The following MYRIP variants were observed in gnomAD, a reference collection of about 807,000 sequenced individuals.
MYRIP encodes the protein rab effector MyRIP.
A neutral mutation model predicts 98.0 loss-of-function variants in MYRIP; 49 were observed. That is an observed-to-expected ratio of 0.50 (90% CI 0.40 to 0.63). The LOEUF is 0.63. Ranked by LOEUF, MYRIP falls within the 30% of genes least tolerant of loss-of-function variation. The pLI, the probability that MYRIP is intolerant of heterozygous loss-of-function variation, is 0.00. For synonymous variants in MYRIP, 404 were observed against 409.5 expected (o/e 0.99, Z 0.16); for missense variants, 1,004 against 1,058.2 (o/e 0.95, Z 0.71).
chr3:39,825,808 C>T (rs1044988591), intron 1 of MYRIP, among the ~76,000 whole-genome samples: 5 of 152,032 alleles, frequency 3.3e-5, no homozygotes, highest in African/African-American at 4.8e-5. Flanking sequence ...TCATCTGATC[C>T]TGAGATTTTC....
At chr3:40,095,601 G>A (rs1234041796) in intron 3 of MYRIP, among the ~76,000 whole-genome samples, 1 of 152,122 alleles carries the variant, frequency 6.6e-6, no homozygotes, top group Non-Finnish European at 1.5e-5. Flanking sequence ...AGAGGTTTCT[G>A]AGAAATGCGT....
At chr3:39,975,774 AC>A (rs1945734145) in intron 2 of MYRIP, among the ~76,000 whole-genome samples, 1 of 152,202 alleles carries the variant, frequency 6.6e-6, no homozygotes, top group African/African-American at 2.4e-5. Flanking sequence ...TCTTTGACAA[AC>A]CTGAGAAAAA....
chr3:39,992,240 A>C (rs775793521), intron 2 of MYRIP, among the ~76,000 whole-genome samples: 19 of 152,088 alleles, frequency 1.2e-4, no homozygotes, highest in Non-Finnish European at 2.1e-4. Flanking sequence ...CATAAAGCCA[A>C]GTTTCTTTCA....
chr3:40,157,193 T>G (rs1456093088), intron 4 of MYRIP, among the ~76,000 whole-genome samples: 2 of 148,952 alleles, frequency 1.3e-5, no homozygotes, highest in African/African-American at 5.0e-5. Flanking sequence ...TATTGAGAGT[T>G]TTTAGCATGA....
intron 3 of MYRIP, among the ~76,000 whole-genome samples, chr3:40,072,190 T>C (rs924659411): frequency 6.6e-6 from 1 of 152,182 alleles, no homozygotes; most frequent in Non-Finnish European, 1.5e-5. Context: ...TACTGTATTA[T>C]ATGCATTTTA....
intron 10 of MYRIP, among the ~76,000 whole-genome samples, chr3:40,198,896 G>T (rs987137845): frequency 6.6e-6 from 1 of 152,058 alleles, no homozygotes; most frequent in Non-Finnish European, 1.5e-5. Flanking sequence ...ATTTAAAGTG[G>T]CTTACATAAA....
At chr3:40,194,224 G>A (rs919830089) in intron 10 of MYRIP, among the ~76,000 whole-genome samples, 4 of 151,868 alleles carry the variant, frequency 2.6e-5, no homozygotes, top group East Asian at 1.9e-4. Context: ...CCCTTAGACC[G>A]TCTGTACTTT....
At chr3:40,038,609 A>G (rs1015270860) in intron 2 of MYRIP, among the ~76,000 whole-genome samples, 2 of 152,236 alleles carry the variant, frequency 1.3e-5, no homozygotes, top group African/African-American at 4.8e-5. Context: ...TTTGTGAACC[A>G]CTTTATATCA....
At chr3:39,912,990 A>T (rs1349743848) in intron 2 of MYRIP, among the ~76,000 whole-genome samples, 2 of 152,188 alleles carry the variant, frequency 1.3e-5, no homozygotes, top group South Asian at 4.1e-4. Flanking sequence ...CAGTAAGCTG[A>T]GATTGCACCA....
chr3:40,114,961 G>C (rs1949240963), intron 3 of MYRIP, among the ~76,000 whole-genome samples: 1 of 152,096 alleles, frequency 6.6e-6, no homozygotes, highest in Non-Finnish European at 1.5e-5. Context: ...CAAAATATTA[G>C]GAAACTCTCC....
At chr3:40,216,696 C>A (rs1372012639) in intron 11 of MYRIP, among the ~76,000 whole-genome samples, 1 of 152,116 alleles carries the variant, frequency 6.6e-6, no homozygotes, top group Non-Finnish European at 1.5e-5. Flanking sequence ...TGGAAACATT[C>A]AACACATATT....
chr3:40,080,723 CTT>C (rs1559391883), intron 3 of MYRIP, among the ~76,000 whole-genome samples: 1 of 146,902 alleles, frequency 6.8e-6, no homozygotes, highest in South Asian at 2.1e-4. Flanking sequence ...ATCTTTTTCT[CTT>C]TTCAAAAAAC....
At chr3:39,948,659 CAA>C (rs1210148276) in intron 2 of MYRIP, among the ~76,000 whole-genome samples, 1 of 150,874 alleles carries the variant, frequency 6.6e-6, no homozygotes, top group African/African-American at 2.4e-5. Context: ...GGTTAAGAGT[CAA>C]AGAGAGGATT....
intron 2 of MYRIP, among the ~76,000 whole-genome samples, chr3:40,006,354 A>T (rs1200781810): frequency 1.3e-5 from 2 of 151,834 alleles, no homozygotes; most frequent in African/African-American, 2.4e-5. Flanking sequence ...GCGCCACTGT[A>T]CTCCAGCCTG....
intron 5 of MYRIP, among the ~76,000 whole-genome samples, chr3:40,163,556 A>G (rs1205341117): frequency 6.6e-6 from 1 of 152,210 alleles, no homozygotes; most frequent in Non-Finnish European, 1.5e-5. Context: ...CAGATAGAAC[A>G]AAAAGGCAGA....
At chr3:40,183,529 A>G (rs1950946782) in intron 9 of MYRIP, among the ~76,000 whole-genome samples, 1 of 152,194 alleles carries the variant, frequency 6.6e-6, no homozygotes, top group Admixed American at 6.5e-5. Flanking sequence ...GAAGACTGTA[A>G]GTTGCTTGGA....
intron 3 of MYRIP, among the ~76,000 whole-genome samples, chr3:40,115,224 T>G (rs1442836195): frequency 6.6e-6 from 1 of 152,198 alleles, no homozygotes; most frequent in Non-Finnish European, 1.5e-5. Flanking sequence ...GTGTATATAT[T>G]ACATTATTAG....
At chr3:40,022,509 C>A (rs207463118) in intron 2 of MYRIP, among the ~76,000 whole-genome samples, 2 of 152,258 alleles carry the variant, frequency 1.3e-5, no homozygotes, top group South Asian at 4.1e-4. Context: ...GGGATCAGCA[C>A]AAAGGAGTCA....
At chr3:39,976,545 G>C (rs568100855) in intron 2 of MYRIP, among the ~76,000 whole-genome samples, 104 of 152,256 alleles carry the variant, frequency 6.8e-4, no homozygotes, top group Non-Finnish European at 8.7e-4. Flanking sequence ...CCGTTACTGG[G>C]TATATACCCA....
Sources: allele counts gnomAD v4.1 joint callset (sites outside exome capture counted in the v4.1 genomes callset), GRCh38; gene constraint gnomAD v4.1.1; transcripts MANE v1.5; gene names NCBI Gene and HGNC (gene_info 2026-07-23, HGNC 2026-07-21).